Variants in FGF16 observed in about 807,000 individuals in gnomAD.
The protein encoded by FGF16 is fibroblast growth factor 16, also known as metacarpal 4-5 fusion.
In FGF16, 2 loss-of-function variants were observed where a neutral mutation model predicts 8.5. The observed-to-expected ratio is 0.24, with a 90% CI of 0.10 to 0.75. The LOEUF is 0.75. Among genes scored for constraint, FGF16 ranks in the 30% least tolerant of loss-of-function variants. The probability of loss-of-function intolerance (pLI) is 0.74; values close to 1 mark genes in which losing one functional copy is unlikely to be tolerated. For synonymous variants in FGF16, 33 were observed against 34.6 expected (o/e 0.95, Z 0.16); for missense variants, 79 against 87.4 (o/e 0.90, Z 0.38).
chrX:77,455,216 C>T (rs992203708), intron 2 of FGF16, among the ~76,000 whole-genome samples: 4 of 112,261 alleles, frequency 3.6e-5, no homozygotes, highest in Non-Finnish European at 7.5e-5. Context: ...GGGTTTGGGG[C>T]ATTAACCCTC....
intron 2 of FGF16, among the ~76,000 whole-genome samples, chrX:77,454,790 C>CTTTT (rs782722552): frequency 6.2e-5 from 5 of 81,155 alleles, no homozygotes; most frequent in Non-Finnish European, 9.5e-5. Flanking sequence ...CCAAAACAAG[C>CTTTT]TTTTTTTTTT....
At chrX:77,453,709 A>G (rs1342230254) in intron 1 of FGF16, among the ~76,000 whole-genome samples, 1 of 111,741 alleles carries the variant, frequency 8.9e-6, no homozygotes, top group African/African-American at 3.3e-5. Context: ...GACAGGGCAC[A>G]AAACAAGTTC....
intron 1 of FGF16, among the ~76,000 whole-genome samples, chrX:77,449,896 A>G (rs1395640465): frequency 8.9e-6 from 1 of 112,010 alleles, no homozygotes; most frequent in Non-Finnish European, 1.9e-5. Flanking sequence ...CCTCTGCATC[A>G]CCTTTTCCTT....
chrX:77,456,183 T>C, intron 2 of FGF16, 94 bp from the exon 3 acceptor site: 2 of 828,307 alleles, frequency 2.4e-6, no homozygotes, highest in Non-Finnish European at 3.5e-6. Flanking sequence ...CTAACATCAA[T>C]GTGCTATTGC....
chrX:77,454,351 T>TA (rs1323861825), intron 2 of FGF16, 91 bp downstream of exon 2: 7 of 489,683 alleles, frequency 1.4e-5, no homozygotes, highest in Non-Finnish European at 1.8e-5. Context: ...AGCAAAAGTA[T>TA]AAAAATATTT....
Position 77,456,377 on chromosome X carries a change from A to G in FGF16, c.479A>G (p.Gln160Arg). 1 of 1,210,742 alleles carries G rather than the reference A, an allele frequency of 8.3e-7. No individual in the cohort carries two copies. Among genetic ancestry groups the G allele is most frequent in the Non-Finnish European group, 1.1e-6 (1 of 894,498 alleles). ...TACAAACATTCGGACTCAGAGAGAC[A>G]GTATTACGTGGCCCTGAACAAAGAT... ...TLYKHSDSER[Q>R]YYVALNKDGS... The change falls in exon 3 of 3, where the codon CAG becomes CGG. Residue 160 changes from glutamine (Q) to arginine (R), a missense_variant. Physicochemically the swap from Gln to Arg is conservative, Grantham distance 43. Coordinates refer to ENST00000439435, the MANE Select transcript of FGF16 (RefSeq NM_003868.3).
At chrX:77,453,135 T>TA (rs1486353221) in intron 1 of FGF16, among the ~76,000 whole-genome samples, 3 of 111,648 alleles carry the variant, frequency 2.7e-5, no homozygotes, top group Non-Finnish European at 5.6e-5. Context: ...GACAGCCAGA[T>TA]ATGAGCTCAT....
intron 1 of FGF16, among the ~76,000 whole-genome samples, chrX:77,450,957 A>C (rs1404848915): frequency 1.8e-5 from 2 of 111,835 alleles, no homozygotes; most frequent in Non-Finnish European, 3.8e-5. Flanking sequence ...TGTAGCTGGG[A>C]AAATATGAAA....
rs1478286328 is a variant in FGF16 at position 77,454,241 on chromosome X, G to A, written c.359G>A (p.Arg120Gln). 6 of 1,012,352 alleles carry A rather than the reference G, an allele frequency of 5.9e-6. No individual in the cohort carries two copies. Among genetic ancestry groups the A allele is most frequent in the Non-Finnish European group, 6.8e-6 (5 of 733,400 alleles). 83.4% of individuals were successfully genotyped at this position (1,012,352 alleles called of 1,213,427 possible). A position where few individuals can be genotyped will look rare whatever the true frequency, so the allele number is the denominator to read the frequency against. Residue 120 changes from arginine to glutamine, a missense_variant, in exon 2 of 3, where the codon CGA (arginine) becomes CAA (glutamine). Coordinates refer to ENST00000439435, the MANE Select transcript of FGF16 (RefSeq NM_003868.3). ...DSGLYLGMNE[R>Q]GELYGSKKLT... ...GGCCTGTACCTAGGAATGAATGAGC[G>A]AGGAGAACTCTATGGGTCGGTAAGT...
At chrX:77,455,818 C>T (rs1331597214) in intron 2 of FGF16, among the ~76,000 whole-genome samples, 3 of 112,068 alleles carry the variant, frequency 2.7e-5, no homozygotes, top group African/African-American at 9.7e-5. Flanking sequence ...GCCTGAGACC[C>T]TTCATTAGGA....
intron 1 of FGF16, among the ~76,000 whole-genome samples, chrX:77,448,195 C>T: frequency 8.8e-6 from 1 of 113,277 alleles, no homozygotes; most frequent in Non-Finnish European, 1.9e-5. Flanking sequence ...CACAGTATCT[C>T]CCCAGGGAGC....
intron 1 of FGF16, among the ~76,000 whole-genome samples, chrX:77,451,160 C>A (rs782385419): frequency 4.5e-5 from 5 of 111,828 alleles, no homozygotes; most frequent in African/African-American, 1.6e-4. Context: ...TGTTACTGGA[C>A]ACAACCCAAG....
chrX:77,449,881 G>A (rs1343319527), intron 1 of FGF16, among the ~76,000 whole-genome samples: 1 of 112,177 alleles, frequency 8.9e-6, no homozygotes, highest in African/African-American at 3.2e-5. Context: ...CACTGGCTAA[G>A]AGCACCTCTG....
chrX:77,454,010 G>A (rs782550435), intron 1 of FGF16, 147 bp from the exon 2 acceptor site: 23 of 474,538 alleles, frequency 4.8e-5, no homozygotes, highest in South Asian at 2.1e-4. Flanking sequence ...CATTCTTGCC[G>A]CAAAAGATGG....
chrX:77,448,159 C>G (rs2062546646), intron 1 of FGF16, among the ~76,000 whole-genome samples: 1 of 113,415 alleles, frequency 8.8e-6, no homozygotes, highest in South Asian at 3.5e-4. Flanking sequence ...GGGCGCCTTG[C>G]GGTGGGGCCT....
intron 1 of FGF16, among the ~76,000 whole-genome samples, chrX:77,452,325 C>T (rs781907511): frequency 1.8e-5 from 2 of 112,633 alleles, no homozygotes; most frequent in Non-Finnish European, 3.8e-5. Flanking sequence ...AAATGCAAAA[C>T]GTTGTGCAGT....
At chrX:77,452,664 T>C (rs1408809957) in intron 1 of FGF16, among the ~76,000 whole-genome samples, 6 of 112,670 alleles carry the variant, frequency 5.3e-5, no homozygotes, top group African/African-American at 1.9e-4. Flanking sequence ...CTGGGGTTCC[T>C]CAGGAGACTT....
intron 1 of FGF16, 62 bp from the exon 2 acceptor site, chrX:77,454,095 C>T (rs1338498196): frequency 2.6e-6 from 2 of 768,047 alleles, no homozygotes; most frequent in Non-Finnish European, 2.0e-6. Context: ...GCTCATGTCA[C>T]CTGAACAGCT....
chrX:77,447,509 C>T lies in FGF16; in HGVS notation c.-166C>T. 1 of 281,474 alleles carries T rather than the reference C, an allele frequency of 3.6e-6. No homozygotes were observed. Among genetic ancestry groups the T allele is most frequent in the Non-Finnish European group, 6.2e-6 (1 of 160,200 alleles). The allele number at this position is 281,474 out of a possible 1,213,427, so 23.2% of individuals were successfully genotyped here. ...CCCCGCCACTGAGAAGTTCCTTGGA[C>T]GCGAACAGACGTCGACTGCAGCTCG... is the stretch of plus-strand genomic sequence containing the variant. On this transcript the variant is annotated 5_prime_UTR_variant, in exon 1 of 3. The change creates a new upstream start codon in the 5' untranslated region. Transcript: ENST00000439435.
Sources: gnomAD v4.1 joint callset for allele counts (sites outside exome capture counted in the v4.1 genomes callset) on GRCh38, gnomAD v4.1.1 for gene constraint, MANE v1.5 for transcripts, NCBI Gene and HGNC (gene_info 2026-07-23, HGNC 2026-07-21) for gene names.